LINGO2: variants seen among roughly 807,000 people sequenced by gnomAD.
The protein encoded by LINGO2 is leucine rich repeat and Ig domain containing 2.
In LINGO2, 14 loss-of-function variants were observed where a neutral mutation model predicts 30.6. The ratio of observed to expected loss-of-function variants is 0.46; its 90% CI spans 0.30 to 0.72. The LOEUF (loss-of-function observed/expected upper bound fraction) is 0.72, where lower values mean the gene tolerates loss of function less well. Among genes scored for constraint, LINGO2 ranks in the 30% least tolerant of loss-of-function variants. The pLI is 0.07. For missense variants in LINGO2, 729 were observed against 751.7 expected, an observed-to-expected ratio of 0.97 and a Z score of 0.35; for synonymous variants, 317 against 288.5, an observed-to-expected ratio of 1.10 and a Z score of -1.00.
At chr9:28,042,767 C>T (rs143823527) in intron 4 of LINGO2, among the ~76,000 whole-genome samples, 1 of 152,186 alleles carries the variant, frequency 6.6e-6, no homozygotes, top group Non-Finnish European at 1.5e-5. Context: ...TATTCTTCCC[C>T]TCTCCCCCAT....
chr9:27,973,566 A>T (rs1272528746), intron 5 of LINGO2, among the ~76,000 whole-genome samples: 1 of 152,238 alleles, frequency 6.6e-6, no homozygotes, highest in Non-Finnish European at 1.5e-5. Context: ...GATATGTTTC[A>T]ACAGGAAAGG....
chr9:28,028,602 C>A (rs1011583302), intron 4 of LINGO2, among the ~76,000 whole-genome samples: 2 of 151,986 alleles, frequency 1.3e-5, no homozygotes, highest in Non-Finnish European at 2.9e-5. Flanking sequence ...GATACCAAAA[C>A]CAGAAGATGC....
chr9:28,504,066 T>C (rs1587769597), intron 1 of LINGO2, among the ~76,000 whole-genome samples: 1 of 151,912 alleles, frequency 6.6e-6, no homozygotes, highest in Non-Finnish European at 1.5e-5. Flanking sequence ...GTCAGATCTA[T>C]AGTGCCTACG....
intron 4 of LINGO2, among the ~76,000 whole-genome samples, chr9:28,076,950 C>A (rs984267443): frequency 2.6e-5 from 4 of 151,956 alleles, no homozygotes; most frequent in African/African-American, 9.7e-5. Flanking sequence ...TGGTTTCCAA[C>A]AAAAGACATT....
At chr9:27,963,865 T>C (rs1000340169) in intron 5 of LINGO2, among the ~76,000 whole-genome samples, 24 of 151,940 alleles carry the variant, frequency 1.6e-4, no homozygotes, top group Non-Finnish European at 2.2e-4. Flanking sequence ...AATCAGATAC[T>C]GAAGAGTTGT....
chr9:29,060,573 T>C, the LINGO2 span, among the ~76,000 whole-genome samples: 1 of 152,016 alleles, frequency 6.6e-6, no homozygotes, highest in Non-Finnish European at 1.5e-5. Context: ...ACTCACATAT[T>C]GGAAATATAA....
intron 4 of LINGO2, among the ~76,000 whole-genome samples, chr9:28,196,068 A>T: frequency 6.6e-6 from 1 of 151,844 alleles, no homozygotes; most frequent in South Asian, 2.1e-4. Flanking sequence ...GATGCAGATA[A>T]GTGTGTGATA....
the LINGO2 span, among the ~76,000 whole-genome samples, chr9:28,853,717 T>C: frequency 3.9e-5 from 6 of 152,008 alleles, no homozygotes; most frequent in African/African-American, 7.2e-5. Context: ...GCAGGGGATA[T>C]GCCAGATGCT....
At chr9:28,364,740 G>C (rs1820592330) in intron 3 of LINGO2, among the ~76,000 whole-genome samples, 1 of 152,154 alleles carries the variant, frequency 6.6e-6, no homozygotes, top group African/African-American at 2.4e-5. Context: ...GAGTCTATCT[G>C]TTTGCCTCCT....
At chr9:28,285,226 TATCATCATC>T (rs148814330) in intron 4 of LINGO2, among the ~76,000 whole-genome samples, 5 of 151,674 alleles carry the variant, frequency 3.3e-5, no homozygotes, top group Non-Finnish European at 5.9e-5. Flanking sequence ...TTATCATCGT[TATCATCATC>T]ATCATCATCA....
At chr9:29,196,057 T>C in the LINGO2 span, among the ~76,000 whole-genome samples, 1 of 152,278 alleles carries the variant, frequency 6.6e-6, no homozygotes, top group East Asian at 1.9e-4. Flanking sequence ...GGAAAATGTT[T>C]GATACTTTAC....
chr9:28,142,210 T>C (rs183535890), intron 4 of LINGO2, among the ~76,000 whole-genome samples: 1 of 151,254 alleles, frequency 6.6e-6, no homozygotes, highest in African/African-American at 2.4e-5. Context: ...ATTAGTAATA[T>C]ATATAGGTAA....
intron 4 of LINGO2, among the ~76,000 whole-genome samples, chr9:28,047,583 C>T (rs1170820175): frequency 1.3e-5 from 2 of 150,074 alleles, no homozygotes; most frequent in East Asian, 4.0e-4. Flanking sequence ...ACCATGTGGC[C>T]CTAGACAGCT....
intron 2 of LINGO2, among the ~76,000 whole-genome samples, chr9:28,383,713 G>A (rs1312289963): frequency 6.6e-6 from 1 of 152,118 alleles, no homozygotes; most frequent in Non-Finnish European, 1.5e-5. Context: ...CTCTGTAAGA[G>A]CATCTGTATA....
chr9:28,852,923 G>A, the LINGO2 span, among the ~76,000 whole-genome samples: 1 of 151,940 alleles, frequency 6.6e-6, no homozygotes, highest in African/African-American at 2.4e-5. Flanking sequence ...AACACTCTCT[G>A]CTGGCCTAAA....
chr9:28,207,049 A>T (rs1820432382), intron 4 of LINGO2, among the ~76,000 whole-genome samples: 3 of 152,182 alleles, frequency 2.0e-5, no homozygotes, highest in Admixed American at 2.0e-4. Flanking sequence ...AAACAGTTTT[A>T]AAAATTACAC....
chr9:28,883,425 C>T, the LINGO2 span, among the ~76,000 whole-genome samples: 1 of 151,508 alleles, frequency 6.6e-6, no homozygotes. Context: ...ACATTCTCAT[C>T]TTTCTACCAC....
rs2026965 is a variant in LINGO2 at position 28,412,676 on chromosome 9, G to A, written c.-278-39808C>T. On this transcript the variant is annotated intron_variant, in intron 2 of 5. Transcript: ENST00000379992. ...AAAATAGCTCCTTGGATTTTTAAGA[G>A]TTTTTATTAAATATATTTGGTAGCA... Among the ~76,000 whole-genome samples, 113 of 152,026 alleles carry A rather than the reference G, an allele frequency of 7.4e-4. 1 individual carries two copies. Among genetic ancestry groups the A allele is most frequent in the African/African-American group, 2.5e-3 (102 of 41,470 alleles).
chr9:29,102,675 G>A, the LINGO2 span, among the ~76,000 whole-genome samples: 2 of 152,140 alleles, frequency 1.3e-5, no homozygotes, highest in Non-Finnish European at 2.9e-5. Context: ...AGGGTCTGAA[G>A]AGAATAGTGA....
Sources: allele counts gnomAD v4.1 joint callset (sites outside exome capture counted in the v4.1 genomes callset), GRCh38; gene constraint gnomAD v4.1.1; transcripts MANE v1.5; gene names NCBI Gene and HGNC (gene_info 2026-07-23, HGNC 2026-07-21).